The following DNAJC1 variants were observed in gnomAD, a reference collection of about 807,000 sequenced individuals.
The protein encoded by DNAJC1 is dnaJ homolog subfamily C member 1.
In DNAJC1, 58 loss-of-function variants were observed where a neutral mutation model predicts 76.6. That is an observed-to-expected ratio of 0.76 (90% CI 0.61 to 0.94). The LOEUF (loss-of-function observed/expected upper bound fraction) is 0.94. Ranked by LOEUF, DNAJC1 falls within the 40% of genes least tolerant of loss-of-function variation. The pLI is 0.00. For synonymous variants in DNAJC1, 258 were observed against 267.9 expected (o/e 0.96, Z 0.36); for missense variants, 689 against 677.3 (o/e 1.02, Z -0.19).
intron 6 of DNAJC1, among the ~76,000 whole-genome samples, chr10:21,911,467 A>C (rs555466687): frequency 3.3e-5 from 5 of 152,332 alleles, no homozygotes; most frequent in African/African-American, 1.2e-4. Context: ...TTTTGATAAG[A>C]GTCAAAATTT....
At chr10:21,762,310 G>C (rs143889256) in intron 10 of DNAJC1, among the ~76,000 whole-genome samples, 1 of 152,262 alleles carries the variant, frequency 6.6e-6, no homozygotes, top group African/African-American at 2.4e-5. Context: ...ATCATTAAGT[G>C]ACATGAAACA....
In DNAJC1 at chr10:21,838,691, C is replaced by T. The variant is rs549393532; in HGVS notation, c.979-32592G>A. Reference sequence around the variant, plus strand: ...CCACTGTCAACATTAGACAGATCAACGAGACAGAAAGTTAACAAGGATACC... The same window carrying T: ...CCACTGTCAACATTAGACAGATCAATGAGACAGAAAGTTAACAAGGATACC... On this transcript the variant is annotated intron_variant, in intron 8 of 11. Transcript: ENST00000376980. Among the ~76,000 whole-genome samples, 133 of 152,158 alleles carry T rather than the reference C, an allele frequency of 8.7e-4. 2 individuals carry two copies. The highest frequency in any genetic ancestry group is 2.9e-3 in the African/African-American group (121 of 41,510).
intron 6 of DNAJC1, among the ~76,000 whole-genome samples, chr10:21,908,835 T>C (rs1165846161): frequency 1.3e-5 from 2 of 152,000 alleles, no homozygotes; most frequent in Non-Finnish European, 2.9e-5. Flanking sequence ...AATGGAACCA[T>C]GAGCAAAAGT....
intron 1 of DNAJC1, among the ~76,000 whole-genome samples, chr10:21,993,298 C>G (rs1283030617): frequency 1.3e-5 from 2 of 152,198 alleles, no homozygotes; most frequent in African/African-American, 4.8e-5. Context: ...GAACTGCATG[C>G]CTTAGCAGTG....
chr10:21,879,400 G>C (rs1836236108), intron 8 of DNAJC1, among the ~76,000 whole-genome samples: 1 of 152,156 alleles, frequency 6.6e-6, no homozygotes, highest in African/African-American at 2.4e-5. Flanking sequence ...GAGACAGGCG[G>C]ATCACTTGAG....
At chr10:21,768,483 C>T (rs1834328169) in intron 9 of DNAJC1, among the ~76,000 whole-genome samples, 1 of 152,196 alleles carries the variant, frequency 6.6e-6, no homozygotes, top group African/African-American at 2.4e-5. Flanking sequence ...GATACCACTA[C>T]CATTTGCCTC....
chr10:21,862,834 T>C (rs941324042), intron 8 of DNAJC1, among the ~76,000 whole-genome samples: 1 of 151,902 alleles, frequency 6.6e-6, no homozygotes, highest in East Asian at 1.9e-4. Context: ...CTTAAGAAAT[T>C]AGAAAAGGAA....
chr10:22,000,927 G>A (rs960315398), intron 1 of DNAJC1, among the ~76,000 whole-genome samples: 1 of 152,124 alleles, frequency 6.6e-6, no homozygotes, highest in Non-Finnish European at 1.5e-5. Context: ...TCCAGTTCAT[G>A]GCATTTTGCT....
intron 10 of DNAJC1, among the ~76,000 whole-genome samples, chr10:21,761,488 G>A (rs1369376157): frequency 6.6e-6 from 1 of 151,514 alleles, no homozygotes; most frequent in Non-Finnish European, 1.5e-5. Context: ...GAACCTGGGA[G>A]GCAGAGGTTG....
chr10:21,822,434 G>A (rs983303149), intron 8 of DNAJC1, among the ~76,000 whole-genome samples: 3 of 99,186 alleles, frequency 3.0e-5, no homozygotes, highest in Non-Finnish European at 6.0e-5. Context: ...GCGAGACTCC[G>A]ACTCAAATAA....
intron 8 of DNAJC1, among the ~76,000 whole-genome samples, chr10:21,863,919 T>C (rs1264545117): frequency 6.6e-6 from 1 of 152,088 alleles, no homozygotes; most frequent in African/African-American, 2.4e-5. Context: ...TAAGACAAAA[T>C]GGCCAGGTGA....
intron 8 of DNAJC1, among the ~76,000 whole-genome samples, chr10:21,810,904 G>A (rs993048786): frequency 2.0e-5 from 3 of 152,186 alleles, no homozygotes; most frequent in African/African-American, 7.2e-5. Flanking sequence ...TATAGATTTG[G>A]TGAATATGTT....
At chr10:21,812,651 T>A (rs1180547397) in intron 8 of DNAJC1, among the ~76,000 whole-genome samples, 1 of 152,082 alleles carries the variant, frequency 6.6e-6, no homozygotes, top group Non-Finnish European at 1.5e-5. Context: ...AATGCAGCCT[T>A]GAAATCCTGG....
intron 1 of DNAJC1, among the ~76,000 whole-genome samples, chr10:21,974,891 T>C (rs1299640195): frequency 6.6e-6 from 1 of 152,126 alleles, no homozygotes; most frequent in Admixed American, 6.6e-5. Flanking sequence ...TCTTATGTAA[T>C]ATGTATACAT....
chr10:21,823,256 G>A (rs551827947), intron 8 of DNAJC1, among the ~76,000 whole-genome samples: 2 of 152,220 alleles, frequency 1.3e-5, no homozygotes, highest in South Asian at 4.2e-4. Context: ...GGTAAAGGCA[G>A]TAAATAACCA....
intron 8 of DNAJC1, among the ~76,000 whole-genome samples, chr10:21,814,632 G>A (rs1271051672): frequency 6.6e-6 from 1 of 152,168 alleles, no homozygotes; most frequent in Non-Finnish European, 1.5e-5. Context: ...AATCCATTTG[G>A]AAATGACAGC....
intron 8 of DNAJC1, among the ~76,000 whole-genome samples, chr10:21,880,907 T>C (rs953246340): frequency 2.6e-5 from 4 of 152,224 alleles, no homozygotes; most frequent in African/African-American, 9.7e-5. Context: ...AGATGTTATC[T>C]TTTTCCAGCA....
rs904003750 is a variant in DNAJC1 at position 21,920,973 on chromosome 10, A to G, written c.372-10T>C. 3.2e-6 allele frequency: 5 copies of G among 1,541,664 alleles called. No homozygotes were observed. Among genetic ancestry groups the G allele is most frequent in the Non-Finnish European group, 3.5e-6 (4 of 1,140,918 alleles). ...CAGAATATCATCATACCTACAGTAC[A>G]AATATAACAGTTTTTCACGGGGAGT... On this transcript the variant is annotated splice_polypyrimidine_tract_variant and intron_variant, in intron 3 of 11. Transcript: ENST00000376980.
Position 21,952,166 on chromosome 10 carries a change from G to A in DNAJC1, c.223-23025C>T, listed in dbSNP as rs1190213052. On this transcript the variant is annotated intron_variant, in intron 1 of 11. Coordinates refer to ENST00000376980, the MANE Select transcript of DNAJC1 (RefSeq NM_022365.4). ...TTAGTAAGGTTTTTGTCTCAATAGA[G>A]AATAAATAAAACATTCATTCATGAA... is the stretch of plus-strand genomic sequence containing the variant. 2.0e-5 allele frequency among the ~76,000 whole-genome samples: 3 copies of A among 152,048 alleles called. No individual in the cohort carries two copies. In the East Asian group the frequency reaches 5.8e-4, roughly 29 times the overall value.
Sources: allele counts gnomAD v4.1 joint callset (sites outside exome capture counted in the v4.1 genomes callset), GRCh38; gene constraint gnomAD v4.1.1; transcripts MANE v1.5; gene names NCBI Gene and HGNC (gene_info 2026-07-23, HGNC 2026-07-21).